SRGAP3: variants seen among roughly 807,000 people sequenced by gnomAD.
SRGAP3 encodes SLIT-ROBO Rho GTPase activating protein 3, also known as SLIT-ROBO Rho GTPase-activating protein 3.
A neutral mutation model predicts 121.1 loss-of-function variants in SRGAP3; 39 were observed. That is an observed-to-expected ratio of 0.32 (90% CI 0.25 to 0.42). The LOEUF (loss-of-function observed/expected upper bound fraction) is 0.42, where lower values mean the gene tolerates loss of function less well. Ranked by LOEUF, SRGAP3 falls within the 10% of genes least tolerant of loss-of-function variation. SRGAP3 has a pLI of 1.00. For synonymous variants in SRGAP3, 601 were observed against 570.0 expected (o/e 1.05, Z -0.77); for missense variants, 1,213 against 1,470.6 (o/e 0.82, Z 2.86).
Position 9,015,608 on chromosome 3 carries a change from A to G in SRGAP3, c.1802T>C (p.Ile601Thr). The G allele has an allele frequency of 6.2e-7, 1 of 1,614,210 alleles. No individual in the cohort carries two copies. Among genetic ancestry groups the G allele is most frequent in the Non-Finnish European group, 8.5e-7 (1 of 1,180,042 alleles). ...LFPKERFQDL[I>T]STIKLENPAE... is the part of the protein sequence containing the mutation. ...TGGGAAATACTTACTAATAGTAGAT[A>G]TCAAATCTTGAAACCTTTCCTTAGG... Residue 601 changes from isoleucine (I) to threonine (T), a missense_variant, in exon 15 of 22, where the codon ATA becomes ACA. Around this residue, in one of 2 missense-constraint regions of SRGAP3, gnomAD observed 793 missense variants for 1,032.9 expected, o/e 0.77. Coordinates refer to ENST00000383836, the MANE Select transcript of SRGAP3 (RefSeq NM_014850.4).
intron 2 of SRGAP3, among the ~76,000 whole-genome samples, chr3:9,123,791 G>C (rs1421047137): frequency 1.4e-5 from 2 of 138,426 alleles, no homozygotes; most frequent in Non-Finnish European, 3.0e-5. Context: ...TATACACAGA[G>C]AGAGAGAGAG....
intron 3 of SRGAP3, among the ~76,000 whole-genome samples, chr3:9,320,723 T>C (rs929366416): frequency 3.3e-5 from 5 of 151,860 alleles, no homozygotes; most frequent in South Asian, 2.1e-4. Flanking sequence ...AGTGAGAGAC[T>C]GTATCCTAAC....
At position 9,272,790 on chromosome 3, in the gene SRGAP3, T is replaced by A. The variant is rs114668063; in HGVS notation, n.442+53220A>T. Among the ~76,000 whole-genome samples the A allele has an allele frequency of 7.7e-3, 1,060 of 137,546 alleles. 10 individuals are homozygous for A. The highest frequency in any genetic ancestry group is 0.012 in the Non-Finnish European group (755 of 62,856). 90.2% of individuals were successfully genotyped at this position (137,546 alleles called of 152,430 possible). On this transcript the variant is annotated intron_variant and non_coding_transcript_variant, in intron 3 of 3. Coordinates refer to the SRGAP3 transcript ENST00000490889. ...ACCTAGAAGTGAAATTACTGGATCA[T>A]ATAATAATTCTGTTTATTTTTTTTT...
chr3:9,057,095 T>TGTC (rs1945861478), intron 7 of SRGAP3, among the ~76,000 whole-genome samples: 1 of 152,132 alleles, frequency 6.6e-6, no homozygotes, highest in Admixed American at 6.5e-5. Context: ...TTGTTGTTGT[T>TGTC]GTCGTTGTTT....
chr3:9,191,129 G>T (rs1450903577), intron 1 of SRGAP3, among the ~76,000 whole-genome samples: 1 of 152,120 alleles, frequency 6.6e-6, no homozygotes, highest in African/African-American at 2.4e-5. Flanking sequence ...CTGGAGACTG[G>T]GAGAGCATAG....
intron 1 of SRGAP3, among the ~76,000 whole-genome samples, chr3:9,220,800 T>C (rs1185530309): frequency 6.6e-6 from 1 of 152,210 alleles, no homozygotes; most frequent in African/African-American, 2.4e-5. Flanking sequence ...TAGCTCATCA[T>C]TGGCCTTGAG....
chr3:9,180,379 G>A (rs939514033), intron 1 of SRGAP3, among the ~76,000 whole-genome samples: 2 of 152,198 alleles, frequency 1.3e-5, no homozygotes, highest in African/African-American at 4.8e-5. Flanking sequence ...AGGAAGTGAG[G>A]CTAGGAGGAA....
intron 1 of SRGAP3, among the ~76,000 whole-genome samples, chr3:9,148,797 T>C (rs545783452): frequency 1.3e-5 from 2 of 152,276 alleles, no homozygotes; most frequent in African/African-American, 4.8e-5. Context: ...CAATTCTGCT[T>C]CCCATGACAC....
At chr3:9,215,705 T>A (rs1952595855) in intron 1 of SRGAP3, among the ~76,000 whole-genome samples, 1 of 152,208 alleles carries the variant, frequency 6.6e-6, no homozygotes, top group South Asian at 2.1e-4. Context: ...ACTGCTTCTC[T>A]CTCTTTCCTG....
chr3:8,992,719 C>T, intron 20 of SRGAP3, 187 bp downstream of exon 20: 1 of 884,030 alleles, frequency 1.1e-6, no homozygotes, highest in Non-Finnish European at 1.8e-6. Flanking sequence ...GCAACACAGG[C>T]TGGATGGTTC....
At chr3:9,142,824 ATTTCCTT>A (rs1949901076) in intron 1 of SRGAP3, among the ~76,000 whole-genome samples, 1 of 73,756 alleles carries the variant, frequency 1.4e-5, no homozygotes. Flanking sequence ...TTGGTGGGCA[ATTTCCTT>A]TTTTTTTTTT....
chr3:9,063,122 A>ATT (rs1946252906), intron 5 of SRGAP3, among the ~76,000 whole-genome samples: 2 of 139,202 alleles, frequency 1.4e-5, no homozygotes, highest in African/African-American at 5.7e-5. Flanking sequence ...AATAGAGACA[A>ATT]TCTTTTTTTT....
In SRGAP3 at chr3:8,983,915, G is replaced by A. The variant is rs908224808; in HGVS notation, c.*1604C>T. The A allele has an allele frequency of 3.9e-5, 9 of 229,690 alleles. No individual in the cohort carries two copies. The highest frequency in any genetic ancestry group is 3.4e-4 in the Admixed American group (6 of 17,662). 14.2% of individuals were successfully genotyped at this position (229,690 alleles called of 1,614,324 possible). A position where few individuals can be genotyped will look rare whatever the true frequency, so the allele number is the denominator to read the frequency against. Reference sequence around the variant, plus strand: ...TCAGTGGCCTCGAGAGAGAGGAAGCGTGGGAACAGTAGGGAAAAGCCCCTG... The same window carrying A: ...TCAGTGGCCTCGAGAGAGAGGAAGCATGGGAACAGTAGGGAAAAGCCCCTG... On this transcript the variant is annotated 3_prime_UTR_variant, in exon 22 of 22. Coordinates refer to ENST00000383836, the MANE Select transcript of SRGAP3 (RefSeq NM_014850.4).
chr3:9,057,508 G>A (rs890938753), intron 7 of SRGAP3, among the ~76,000 whole-genome samples: 3 of 152,208 alleles, frequency 2.0e-5, no homozygotes, highest in African/African-American at 7.2e-5. Flanking sequence ...CATGCAGAGG[G>A]TCTAGCAAAT....
At chr3:9,184,917 T>C (rs1951548741) in intron 1 of SRGAP3, among the ~76,000 whole-genome samples, 1 of 152,094 alleles carries the variant, frequency 6.6e-6, no homozygotes, top group Admixed American at 6.5e-5. Flanking sequence ...TAAACCTCAG[T>C]GCAACAGCAA....
At chr3:9,171,740 A>G (rs1950981477) in intron 1 of SRGAP3, among the ~76,000 whole-genome samples, 1 of 152,344 alleles carries the variant, frequency 6.6e-6, no homozygotes, top group South Asian at 2.1e-4. Context: ...CTCAGAGGTG[A>G]GAGGCTCTGA....
intron 2 of SRGAP3, 52 bp from the exon 3 acceptor site, chr3:9,104,894 A>T: frequency 6.2e-7 from 1 of 1,610,572 alleles, no homozygotes; most frequent in Non-Finnish European, 8.5e-7. Flanking sequence ...GTCATCCAAC[A>T]GTGGTTTATG....
At position 9,187,188 on chromosome 3, in the gene SRGAP3, C is replaced by G. The variant is rs2125131692; in HGVS notation, c.67+61697G>C. Among the ~76,000 whole-genome samples, 2 of 151,666 alleles carry G rather than the reference C, an allele frequency of 1.3e-5. 1 individual carries two copies. Among genetic ancestry groups the G allele is most frequent in the Admixed American group, 1.3e-4 (2 of 15,242 alleles). On this transcript the variant is annotated intron_variant, in intron 1 of 21. Coordinates refer to ENST00000383836, the MANE Select transcript of SRGAP3 (RefSeq NM_014850.4). ...CCATGTGTTCTCATCGTTCAACTCCCTCTTATGAGTGAGAACATGCGGTGT... is the reference window on the plus strand; with the variant it reads ...CCATGTGTTCTCATCGTTCAACTCCGTCTTATGAGTGAGAACATGCGGTGT...
At chr3:9,336,699 G>A (rs952284415) in intron 1 of SRGAP3, among the ~76,000 whole-genome samples, 9 of 152,260 alleles carry the variant, frequency 5.9e-5, no homozygotes, top group South Asian at 4.1e-4. Flanking sequence ...GACCATCTTA[G>A]CTGGGGCAGA....
Sources: gnomAD v4.1 joint callset for allele counts (sites outside exome capture counted in the v4.1 genomes callset) on GRCh38, gnomAD v4.1.1 for gene constraint, gnomAD v4.1.1 regional missense constraint, MANE v1.5 for transcripts, NCBI Gene and HGNC (gene_info 2026-07-23, HGNC 2026-07-21) for gene names.